Variants in PCDHGB4 observed in about 807,000 individuals in gnomAD.
The protein encoded by PCDHGB4 is protocadherin gamma subfamily B, 4.
A neutral mutation model predicts 60.5 loss-of-function variants in PCDHGB4; 38 were observed. The observed-to-expected ratio is 0.63, with a 90% CI of 0.48 to 0.82. The LOEUF (loss-of-function observed/expected upper bound fraction) is 0.82, where lower values mean the gene tolerates loss of function less well. Ranked by LOEUF, PCDHGB4 falls within the 40% of genes least tolerant of loss-of-function variation. The probability of loss-of-function intolerance (pLI) is 0.00; values close to 1 mark genes in which losing one functional copy is unlikely to be tolerated. For synonymous variants in PCDHGB4, 456 were observed against 509.7 expected (o/e 0.89, Z 1.42); for missense variants, 1,109 against 1,209.6 (o/e 0.92, Z 1.23).
chr5:141,399,241 T>C, intron 1 of PCDHGB4: 3 of 1,613,950 alleles, frequency 1.9e-6, no homozygotes, highest in South Asian at 1.1e-5. Flanking sequence ...TGACCAAGAT[T>C]CTGGGGAAAA....
Position 141,512,910 on chromosome 5 carries a change from T to C in PCDHGB4, c.*1737T>C, listed in dbSNP as rs2099884499. On this transcript the variant is annotated 3_prime_UTR_variant, in exon 4 of 4. Transcript: ENST00000519479. Reference sequence around the variant, plus strand: ...CTCTTCCTGTGTCTCACGCAAGTTTTATACTCTAATATTTATATGGCTTTT... The same window carrying C: ...CTCTTCCTGTGTCTCACGCAAGTTTCATACTCTAATATTTATATGGCTTTT... 1 of 152,274 alleles carries C rather than the reference T, an allele frequency of 6.6e-6. No homozygotes were observed. The highest frequency in any genetic ancestry group is 2.1e-4 in the South Asian group (1 of 4,836). 9.4% of individuals were successfully genotyped at this position (152,274 alleles called of 1,614,324 possible). A position where few individuals can be genotyped will look rare whatever the true frequency, so the allele number is the denominator to read the frequency against.
At chr5:141,413,406 G>A (rs2095636376) in intron 1 of PCDHGB4, 1 of 1,613,950 alleles carries the variant, frequency 6.2e-7, no homozygotes, top group Non-Finnish European at 8.5e-7. Context: ...GTAGGACGCA[G>A]CTTTTCTCTC....
rs755091154 is a variant in PCDHGB4 at position 141,402,943 on chromosome 5, C to T, written c.2397+12662C>T. The stretch of plus-strand genomic sequence containing the variant: ...AGATCCTTTTGAGAAAATTCCAAAG[C>T]GAGGCAGCAATGGCAGCTCCAACCA... On this transcript the variant is annotated intron_variant, in intron 1 of 3. Transcript: ENST00000519479. 1.1e-5 allele frequency: 17 copies of T among 1,590,762 alleles called. No individual in the cohort carries two copies. The African/African-American group carries it at 2.0e-4, about 19-fold the overall frequency.
In PCDHGB4 at chr5:141,432,877, C is replaced by T. The variant is rs375043811; in HGVS notation, c.2397+42596C>T. 108 of 1,614,082 alleles carry T rather than the reference C, an allele frequency of 6.7e-5. No homozygotes were observed. Among genetic ancestry groups the T allele is most frequent in the Non-Finnish European group, 7.6e-5 (90 of 1,180,018 alleles). On this transcript the variant is annotated intron_variant, in intron 1 of 3. Coordinates refer to ENST00000519479, the MANE Select transcript of PCDHGB4 (RefSeq NM_003736.4). The surrounding 1 kb of genome is among the most constrained non-coding windows in gnomAD (Gnocchi z 6.0). Reference sequence around the variant, plus strand: ...CCGCGGTCTCCTGCGTCTTCCTGGCCTTCGTCATCTTGCTGCTGGCGCTCA... The same window carrying T: ...CCGCGGTCTCCTGCGTCTTCCTGGCTTTCGTCATCTTGCTGCTGGCGCTCA...
rs1307889557 is a variant in PCDHGB4, at chr5:141,486,267, C to G, written c.2398-8540C>G. On this transcript the variant is annotated intron_variant, in intron 1 of 3. Transcript: ENST00000519479. The surrounding 1 kb of genome is among the most constrained non-coding windows in gnomAD (Gnocchi z 5.0). ...GGAACCCTCCCCGAGAGTGCAGAAC[C>G]TGGCACTGTGGTGGCACTTATCAGT... 1 of 1,614,128 alleles carries G rather than the reference C, an allele frequency of 6.2e-7. No homozygotes were observed. Among genetic ancestry groups the G allele is most frequent in the South Asian group, 1.1e-5 (1 of 91,072 alleles).
intron 1 of PCDHGB4, among the ~76,000 whole-genome samples, chr5:141,471,855 G>A (rs955016680): frequency 3.3e-5 from 5 of 152,108 alleles, no homozygotes; most frequent in Non-Finnish European, 7.4e-5. Context: ...TTCAGAAAAA[G>A]CAAAACTGTG....
In PCDHGB4 at chr5:141,410,321, G is replaced by A. The variant is rs749017304; in HGVS notation, c.2397+20040G>A. ...AATCTCAGTGCTCTTCCTCCTCGCC[G>A]TGATTCTGGCCATTGCCTTGCGCCT... On this transcript the variant is annotated intron_variant, in intron 1 of 3. Transcript: ENST00000519479. The A allele has an allele frequency of 3.7e-6, 6 of 1,613,842 alleles. No homozygotes were observed. The East Asian group carries it at 1.1e-4, about 30-fold the overall frequency.
At chr5:141,457,330 A>G (rs2098916985) in intron 1 of PCDHGB4, among the ~76,000 whole-genome samples, 1 of 152,174 alleles carries the variant, frequency 6.6e-6, no homozygotes, top group Non-Finnish European at 1.5e-5. Flanking sequence ...GGTTACAGGT[A>G]CCTTACTTAC....
In PCDHGB4 at chr5:141,390,039, C is replaced by A. The variant is rs2092026934; in HGVS notation, c.2155C>A (p.Pro719Thr). 1.2e-6 allele frequency: 2 copies of A among 1,614,048 alleles called. No homozygotes were observed. The highest frequency in any genetic ancestry group is 1.7e-6 in the Non-Finnish European group (2 of 1,179,902). Residue 719 changes from proline (P) to threonine (T), a missense_variant, in exon 1 of 4, where the codon CCC becomes ACC. Around this residue, in one of 2 missense-constraint regions of PCDHGB4, gnomAD observed 1,068 missense variants for 1,089.9 expected, o/e 0.98. Transcript: ENST00000519479. ...IALRLRRSSS[P>T]ASWSCFQPGL... ...CTTGCGCCTGCGACGCTCCTCCAGCCCCGCCTCCTGGAGCTGCTTCCAGCC... is the reference window on the plus strand; with the variant it reads ...CTTGCGCCTGCGACGCTCCTCCAGCACCGCCTCCTGGAGCTGCTTCCAGCC...
chr5:141,446,771 A>G (rs1008985621), intron 1 of PCDHGB4, among the ~76,000 whole-genome samples: 3 of 152,158 alleles, frequency 2.0e-5, no homozygotes, highest in Admixed American at 2.0e-4. Flanking sequence ...CCAGCCGGTT[A>G]CCATTCTTTT....
chr5:141,509,292 T>A (rs1407798154), intron 3 of PCDHGB4, among the ~76,000 whole-genome samples: 1 of 152,028 alleles, frequency 6.6e-6, no homozygotes, highest in Non-Finnish European at 1.5e-5. Context: ...GGGTCCAGGG[T>A]GGAGGCAGAG....
Position 141,476,873 on chromosome 5 carries a change from G to A in PCDHGB4, c.2398-17934G>A. 1.9e-6 allele frequency: 3 copies of A among 1,613,936 alleles called. No homozygotes were observed. Among genetic ancestry groups the A allele is most frequent in the Non-Finnish European group, 2.5e-6 (3 of 1,180,038 alleles). Reference sequence around the variant, plus strand: ...CAACCAGTCCTTGTACCGGGCGCGCGTCCTGGAGGATGCACCCTCCGGCAC... The same window carrying A: ...CAACCAGTCCTTGTACCGGGCGCGCATCCTGGAGGATGCACCCTCCGGCAC... On this transcript the variant is annotated intron_variant, in intron 1 of 3. Transcript: ENST00000519479. The surrounding 1 kb of genome is among the most constrained non-coding windows in gnomAD (Gnocchi z 7.6).
chr5:141,408,972 C>T, intron 1 of PCDHGB4: 8 of 1,613,870 alleles, frequency 5.0e-6, no homozygotes, highest in Non-Finnish European at 5.9e-6. Flanking sequence ...AATCTGCCCC[C>T]TGGGTCCCCT....
At chr5:141,423,598 C>A in intron 1 of PCDHGB4, 1 of 1,612,940 alleles carries the variant, frequency 6.2e-7, no homozygotes, top group East Asian at 2.2e-5. Flanking sequence ...GAAAAGCGAG[C>A]CACTCTTGAT....
At position 141,476,097 on chromosome 5, in the gene PCDHGB4, A is replaced by G. The variant is rs1366023758; in HGVS notation, c.2398-18710A>G. 1 of 1,571,812 alleles carries G rather than the reference A, an allele frequency of 6.4e-7. No individual in the cohort carries two copies. Among genetic ancestry groups the G allele is most frequent in the African/African-American group, 1.4e-5 (1 of 73,826 alleles). ...CAGGGACGATCTGGACCCCGCTGAG[A>G]GGAACTGCTTTTGAGTGAGATGGTC... On this transcript the variant is annotated intron_variant, in intron 1 of 3. Coordinates refer to ENST00000519479, the MANE Select transcript of PCDHGB4 (RefSeq NM_003736.4). The surrounding 1 kb of genome is among the most constrained non-coding windows in gnomAD (Gnocchi z 7.6).
intron 1 of PCDHGB4, chr5:141,413,606 TA>T (rs778210256): frequency 6.8e-6 from 11 of 1,613,848 alleles, no homozygotes; most frequent in Admixed American, 5.0e-5. Context: ...AATCTAGACG[TA>T]AAAATTAATG....
intron 2 of PCDHGB4, 69 bp from the exon 3 acceptor site, chr5:141,505,324 G>T: frequency 6.2e-7 from 1 of 1,607,102 alleles, no homozygotes; most frequent in African/African-American, 1.3e-5. Context: ...GGAGCCCTGG[G>T]AGAGGACAGG....
At chr5:141,506,092 G>A (rs1595997534) in intron 3 of PCDHGB4, among the ~76,000 whole-genome samples, 1 of 152,142 alleles carries the variant, frequency 6.6e-6, no homozygotes, top group Admixed American at 6.6e-5. Flanking sequence ...TTCGGCTAGT[G>A]GTGGTTGTCC....
intron 1 of PCDHGB4, chr5:141,395,340 G>T (rs529007241): frequency 2.1e-6 from 3 of 1,419,360 alleles, no homozygotes; most frequent in Non-Finnish European, 1.9e-6. Flanking sequence ...TAATTTTTAA[G>T]GTGTATCACA....
Sources: gnomAD v4.1 joint callset for allele counts (sites outside exome capture counted in the v4.1 genomes callset) on GRCh38, gnomAD v4.1.1 for gene constraint, gnomAD v4.1.1 regional missense constraint, Gnocchi (gnomAD v3.1) non-coding constraint, MANE v1.5 for transcripts, NCBI Gene and HGNC (gene_info 2026-07-23, HGNC 2026-07-21) for gene names.